PDZD8: variants seen among roughly 807,000 people sequenced by gnomAD.
PDZD8 encodes the protein PDZ domain-containing protein 8.
Under a neutral mutation model 85.8 loss-of-function variants are expected in PDZD8, and 14 were observed. The ratio of observed to expected loss-of-function variants is 0.16; its 90% CI spans 0.11 to 0.26. The LOEUF is 0.26. Among genes scored for constraint, PDZD8 ranks in the 10% least tolerant of loss-of-function variants. The probability of loss-of-function intolerance (pLI) is 1.00; values close to 1 mark genes in which losing one functional copy is unlikely to be tolerated. For synonymous variants in PDZD8, 592 were observed against 568.6 expected, an observed-to-expected ratio of 1.04 and a Z score of -0.59; for missense variants, 1,197 against 1,424.3, an observed-to-expected ratio of 0.84 and a Z score of 2.57.
intron 4 of PDZD8, among the ~76,000 whole-genome samples, chr10:117,287,535 C>G (rs1844686503): frequency 6.6e-6 from 1 of 152,210 alleles, no homozygotes; most frequent in South Asian, 2.1e-4. Context: ...GACTGTCTCT[C>G]TGTCCTCACT....
At chr10:117,369,773 C>T (rs1589599139) in intron 1 of PDZD8, among the ~76,000 whole-genome samples, 1 of 152,186 alleles carries the variant, frequency 6.6e-6, no homozygotes, top group African/African-American at 2.4e-5. Flanking sequence ...TGTTGTTGCT[C>T]TGAGAAATGC....
rs1194169131 is a variant in PDZD8 at position 117,374,688 on chromosome 10, C to T, written c.540G>A (p.Glu180=). The stretch of plus-strand genomic sequence containing the variant: ...CCTCGGGGCAGGCGGCGGGCAGCGC[C>T]TCCCCTTCAGGGCCATCGGGCTCCC... ...ATGEPDGPEG[E]ALPAACPEEL... The change falls in exon 1 of 5, where the codon GAG becomes GAA. Residue 180 remains glutamate, a synonymous_variant. Coordinates refer to ENST00000334464, the MANE Select transcript of PDZD8 (RefSeq NM_173791.5). The surrounding 1 kb of genome is among the most constrained non-coding windows in gnomAD (Gnocchi z 7.8). The T allele has an allele frequency of 3.8e-6, 6 of 1,597,548 alleles. No individual in the cohort carries two copies. Among genetic ancestry groups the T allele is most frequent in the Middle Eastern group, 1.7e-4 (1 of 6,032 alleles).
In PDZD8 at chr10:117,282,078, T is replaced by C. The variant is rs1457024886; in HGVS notation, c.*1190A>G. The C allele has an allele frequency of 1.3e-5, 2 of 152,198 alleles. No homozygotes were observed. Among genetic ancestry groups the C allele is most frequent in the African/African-American group, 2.4e-5 (1 of 41,450 alleles). The allele number at this position is 152,198 out of a possible 1,614,324, so 9.4% of individuals were successfully genotyped here. ...CAGAGAACTGGTCCCAATTCCTATG[T>C]ATGAATACTATTTTTGTCATTCTTT... On this transcript the variant is annotated 3_prime_UTR_variant, in exon 5 of 5. Transcript: ENST00000334464.
At chr10:117,359,477 G>A (rs1228188369) in intron 1 of PDZD8, among the ~76,000 whole-genome samples, 3 of 151,404 alleles carry the variant, frequency 2.0e-5, no homozygotes, top group Non-Finnish European at 4.4e-5. Flanking sequence ...TTGGGAGGCC[G>A]AGGCGGGCGA....
Position 117,340,997 on chromosome 10 carries a change from C to T in PDZD8, c.978G>A (p.Thr326=), listed in dbSNP as rs376814019. 2.2e-5 allele frequency: 36 copies of T among 1,614,032 alleles called. 1 individual carries two copies. Among genetic ancestry groups the T allele is most frequent in the East Asian group, 1.1e-4 (5 of 44,872 alleles). ...WALTEGRLKV[T]LLECSRLLIF... ...GAACATACCTGCTACATTCTAACAA[C>T]GTAACTTTAAGACGGCCTTCAGTAA... Residue 326 remains threonine, a synonymous_variant, in exon 2 of 5, where the codon ACG becomes ACA. Transcript: ENST00000334464.
chr10:117,374,947 G>A lies in PDZD8; in HGVS notation c.281C>T (p.Thr94Ile). The part of the protein sequence containing the change: ...PETPAPPTRE[T>I]CYFLNATILF... ...GATGGTGGCGTTGAGGAAGTAGCAA[G>A]TCTCCCGCGTCGGCGGGGCGGGGGT... Residue 94 changes from threonine to isoleucine, a missense_variant, in exon 1 of 5, where the codon ACT becomes ATT. Thr to Ile is a moderately conservative substitution (Grantham distance 89, BLOSUM62 -1). Around this residue, in one of 4 missense-constraint regions of PDZD8, gnomAD observed 172 missense variants for 137.8 expected, o/e 1.25. Coordinates refer to ENST00000334464, the MANE Select transcript of PDZD8 (RefSeq NM_173791.5). The surrounding 1 kb of genome is among the most constrained non-coding windows in gnomAD (Gnocchi z 7.8). 1 of 1,612,056 alleles carries A rather than the reference G, an allele frequency of 6.2e-7. No homozygotes were observed.
At chr10:117,327,125 C>CA (rs1844330720) in intron 2 of PDZD8, among the ~76,000 whole-genome samples, 1 of 152,168 alleles carries the variant, frequency 6.6e-6, no homozygotes. Context: ...AACAAAAACT[C>CA]AAAGAAATGA....
intron 3 of PDZD8, among the ~76,000 whole-genome samples, chr10:117,305,604 C>T (rs1207551507): frequency 1.3e-5 from 2 of 151,918 alleles, no homozygotes; most frequent in East Asian, 3.9e-4. Flanking sequence ...TGTTGAGGAT[C>T]CCAAATCTGG....
intron 1 of PDZD8, among the ~76,000 whole-genome samples, chr10:117,371,642 A>G (rs1330595514): frequency 6.6e-6 from 1 of 152,102 alleles, no homozygotes; most frequent in Non-Finnish European, 1.5e-5. Flanking sequence ...TCTAGTTTAA[A>G]TCTTACAAAG....
chr10:117,366,447 G>GA (rs541525290), intron 1 of PDZD8, among the ~76,000 whole-genome samples: 51 of 152,168 alleles, frequency 3.4e-4, no homozygotes, highest in Middle Eastern at 6.8e-3. Context: ...TGTAACTGTT[G>GA]AGGGGGGTGT....
At chr10:117,305,191 T>C (rs1186612038) in intron 3 of PDZD8, among the ~76,000 whole-genome samples, 2 of 152,124 alleles carry the variant, frequency 1.3e-5, no homozygotes. Flanking sequence ...GGTGGGCAGA[T>C]CACCTGAGGT....
intron 3 of PDZD8, among the ~76,000 whole-genome samples, chr10:117,318,598 G>A (rs1414800231): frequency 6.6e-6 from 1 of 152,114 alleles, no homozygotes; most frequent in Non-Finnish European, 1.5e-5. Context: ...GTTAAAATTA[G>A]TTCCTTCTAA....
intron 1 of PDZD8, among the ~76,000 whole-genome samples, chr10:117,369,171 CT>C (rs924986145): frequency 2.0e-5 from 3 of 149,610 alleles, no homozygotes; most frequent in Non-Finnish European, 3.0e-5. Flanking sequence ...TTTATTTTTA[CT>C]TTTTGAGATA....
chr10:117,301,413 C>G (rs989688113), intron 3 of PDZD8, among the ~76,000 whole-genome samples: 1 of 152,110 alleles, frequency 6.6e-6, no homozygotes, highest in Non-Finnish European at 1.5e-5. Flanking sequence ...TAATTATTTC[C>G]AAATTTTCAG....
intron 3 of PDZD8, among the ~76,000 whole-genome samples, chr10:117,317,827 T>C (rs1844156752): frequency 6.6e-6 from 1 of 152,164 alleles, no homozygotes; most frequent in Admixed American, 6.5e-5. Context: ...ACCTCTATTT[T>C]GACCATGTCA....
At position 117,375,050 on chromosome 10, in the gene PDZD8, G is replaced by A. The variant is rs761634561; in HGVS notation, c.178C>T (p.Leu60Phe). 3.1e-6 allele frequency: 5 copies of A among 1,599,456 alleles called. No individual in the cohort carries two copies. Among genetic ancestry groups the A allele is most frequent in the Non-Finnish European group, 4.3e-6 (5 of 1,174,820 alleles). ...TCCTCATCCCGGCCGCCGCCATAAAGGTACTCCCTTAGGAGCAGGCCCGGC... is the reference window on the plus strand; with the variant it reads ...TCCTCATCCCGGCCGCCGCCATAAAAGTACTCCCTTAGGAGCAGGCCCGGC... ...PVPGLLLREY[L>F]YGGGRDEEPS... The change falls in exon 1 of 5, where the codon CTT becomes TTT. Residue 60 changes from leucine to phenylalanine, a missense_variant. This residue lies in a region of PDZD8 where 172 missense variants were observed against 137.8 expected (regional missense o/e 1.25). Coordinates refer to ENST00000334464, the MANE Select transcript of PDZD8 (RefSeq NM_173791.5).
intron 3 of PDZD8, among the ~76,000 whole-genome samples, chr10:117,308,535 C>T (rs1364777079): frequency 1.3e-5 from 2 of 152,032 alleles, no homozygotes; most frequent in East Asian, 3.9e-4. Context: ...ACATTTAACC[C>T]TTATATCCTG....
chr10:117,361,513 G>A (rs1225260831), intron 1 of PDZD8, among the ~76,000 whole-genome samples: 1 of 152,144 alleles, frequency 6.6e-6, no homozygotes, highest in African/African-American at 2.4e-5. Context: ...AAGTCTTGTG[G>A]ACTGAAAGAG....
At chr10:117,290,390 T>C in intron 3 of PDZD8, 42 bp from the exon 4 acceptor site, 1 of 1,489,964 alleles carries the variant, frequency 6.7e-7, no homozygotes, top group East Asian at 2.3e-5. Flanking sequence ...TTCAATGGAT[T>C]CCTAGTAATA....
Sources: allele counts gnomAD v4.1 joint callset (sites outside exome capture counted in the v4.1 genomes callset), GRCh38; gene constraint gnomAD v4.1.1; regional missense constraint gnomAD v4.1.1; non-coding constraint Gnocchi (gnomAD v3.1); transcripts MANE v1.5; gene names NCBI Gene and HGNC (gene_info 2026-07-23, HGNC 2026-07-21).